Variants in MAD1L1 observed in about 807,000 individuals in gnomAD.
MAD1L1 encodes mitotic spindle assembly checkpoint protein MAD1.
MAD1L1 carries 95 observed loss-of-function variants against 96.9 expected under a neutral mutation model. That is an observed-to-expected ratio of 0.98 (90% confidence interval 0.83 to 1.16). The LOEUF (loss-of-function observed/expected upper bound fraction) is 1.16. Ranked by LOEUF, MAD1L1 falls within the 50% of genes most tolerant of loss-of-function variation. The pLI, the probability that MAD1L1 is intolerant of heterozygous loss-of-function variation, is 0.00. For missense variants in MAD1L1, 1,007 were observed against 954.4 expected, an observed-to-expected ratio of 1.06 and a Z score of -0.73; for synonymous variants, 473 against 396.6, an observed-to-expected ratio of 1.19 and a Z score of -2.29.
At chr7:2,209,111 G>A (rs1792753818) in intron 10 of MAD1L1, among the ~76,000 whole-genome samples, 2 of 152,168 alleles carry the variant, frequency 1.3e-5, no homozygotes. Flanking sequence ...CAGCCTGCGT[G>A]AACCCGTGTG....
intron 17 of MAD1L1, among the ~76,000 whole-genome samples, chr7:1,909,362 C>G (rs1353743572): frequency 6.6e-6 from 1 of 152,228 alleles, no homozygotes; most frequent in East Asian, 1.9e-4. Context: ...CTGAATTATT[C>G]ATGTTTTGCA....
chr7:2,020,781 C>T (rs1182059376), intron 12 of MAD1L1, among the ~76,000 whole-genome samples: 2 of 147,458 alleles, frequency 1.4e-5, no homozygotes, highest in African/African-American at 5.0e-5. Flanking sequence ...TTTTTTAAGA[C>T]AAGGTCTTGC....
At position 1,858,565 on chromosome 7, in the gene MAD1L1, G is replaced by A. The variant is rs889115058; in HGVS notation, c.1998+39635C>T. On this transcript the variant is annotated intron_variant, in intron 18 of 18. Transcript: ENST00000265854. Reference sequence around the variant, plus strand: ...CAGCCCTGAAACTCATTCAGGTCTTGCTGACCCTGTCCCGGCACCAGGACG... The same window carrying A: ...CAGCCCTGAAACTCATTCAGGTCTTACTGACCCTGTCCCGGCACCAGGACG... Among the ~76,000 whole-genome samples the A allele has an allele frequency of 3.3e-5, 5 of 152,332 alleles. No individual in the cohort carries two copies. In the South Asian group the frequency reaches 1.0e-3, roughly 32 times the overall value.
At chr7:1,876,387 C>G (rs186655523) in intron 18 of MAD1L1, among the ~76,000 whole-genome samples, 1 of 152,002 alleles carries the variant, frequency 6.6e-6, no homozygotes, top group Non-Finnish European at 1.5e-5. Context: ...CCCTGCCGGA[C>G]GCTGCCCCTT....
At chr7:1,882,843 C>T (rs1785770692) in intron 18 of MAD1L1, among the ~76,000 whole-genome samples, 1 of 152,240 alleles carries the variant, frequency 6.6e-6, no homozygotes, top group Non-Finnish European at 1.5e-5. Context: ...GGTGAGAAGG[C>T]ACTGGCAGTT....
At chr7:1,980,749 A>G (rs1327444301) in intron 14 of MAD1L1, 1 of 675,758 alleles carries the variant, frequency 1.5e-6, no homozygotes, top group East Asian at 2.9e-5. Flanking sequence ...TTTTTTTGTC[A>G]CTTCCATCTC....
At chr7:2,077,065 G>A (rs534993237) in intron 11 of MAD1L1, among the ~76,000 whole-genome samples, 6 of 147,748 alleles carry the variant, frequency 4.1e-5, no homozygotes, top group Admixed American at 6.7e-5. Flanking sequence ...GCGGCATGGT[G>A]AGCCCAAGAC....
At chr7:1,945,028 C>T (rs79812549) in intron 16 of MAD1L1, among the ~76,000 whole-genome samples, 9 of 152,292 alleles carry the variant, frequency 5.9e-5, no homozygotes, top group East Asian at 1.9e-4. Flanking sequence ...CCTGGGCCGT[C>T]GGCCACTGGG....
chr7:2,075,493 A>G (rs1785333875), intron 11 of MAD1L1, among the ~76,000 whole-genome samples: 1 of 152,106 alleles, frequency 6.6e-6, no homozygotes, highest in Non-Finnish European at 1.5e-5. Flanking sequence ...CTCTAGTTCC[A>G]TGCTTGGACT....
chr7:1,820,814 G>A (rs1462095580), intron 18 of MAD1L1, among the ~76,000 whole-genome samples: 1 of 151,968 alleles, frequency 6.6e-6, no homozygotes, highest in Non-Finnish European at 1.5e-5. Flanking sequence ...ATTAAAAAGG[G>A]GGAACGCCTG....
At chr7:1,954,270 C>T (rs768675516) in intron 16 of MAD1L1, among the ~76,000 whole-genome samples, 41 of 152,166 alleles carry the variant, frequency 2.7e-4, no homozygotes, top group Non-Finnish European at 4.0e-4. Flanking sequence ...AGACAGCCTG[C>T]GGGAAAGGCC....
chr7:2,213,399 T>C (rs1793087232), intron 9 of MAD1L1, 126 bp from the exon 10 acceptor site: 1 of 846,406 alleles, frequency 1.2e-6, no homozygotes. Context: ...ATCTCTGAGC[T>C]GGGCGCTACA....
chr7:1,938,903 GCACACACACA>G (rs367763521), intron 16 of MAD1L1, among the ~76,000 whole-genome samples: 3 of 81,846 alleles, frequency 3.7e-5, no homozygotes, highest in Non-Finnish European at 6.5e-5. Flanking sequence ...CCAGAGGCGC[GCACACACACA>G]CACACACACA....
intron 18 of MAD1L1, among the ~76,000 whole-genome samples, chr7:1,883,380 C>T (rs540052532): frequency 2.0e-5 from 3 of 152,322 alleles, no homozygotes; most frequent in East Asian, 1.9e-4. Context: ...CAAACGGCCC[C>T]GGGGATGAGC....
intron 5 of MAD1L1, chr7:2,220,806 C>A: frequency 7.2e-7 from 1 of 1,387,646 alleles, no homozygotes; most frequent in South Asian, 1.4e-5. Context: ...TGGGAGTCAA[C>A]AAAGAAGAAA....
At chr7:1,820,271 C>T (rs1186125282) in intron 18 of MAD1L1, among the ~76,000 whole-genome samples, 1 of 152,080 alleles carries the variant, frequency 6.6e-6, no homozygotes, top group Non-Finnish European at 1.5e-5. Flanking sequence ...TTGCCAGACG[C>T]ACCCAAGGCA....
chr7:1,993,970 G>A (rs1049417462), intron 14 of MAD1L1, among the ~76,000 whole-genome samples: 8 of 152,298 alleles, frequency 5.3e-5, no homozygotes, highest in Non-Finnish European at 1.2e-4. Context: ...GGAAGCCCCT[G>A]CAACTGCCCT....
intron 12 of MAD1L1, among the ~76,000 whole-genome samples, chr7:2,062,402 C>T (rs946241504): frequency 3.9e-5 from 6 of 152,062 alleles, no homozygotes; most frequent in Non-Finnish European, 7.3e-5. Flanking sequence ...TGGTGAAACC[C>T]TGTCTTTACT....
chr7:1,920,375 G>A lies in MAD1L1; in HGVS notation c.1807+16312C>T, dbSNP rs115392507. On this transcript the variant is annotated intron_variant, in intron 17 of 18. Coordinates refer to ENST00000265854, the MANE Select transcript of MAD1L1 (RefSeq NM_001013836.2). ...CAGCGACAGTGTGTGGGAGGAGCAG[G>A]GGCAGAGAAAGTCGGGGAGACTCGG... Among the ~76,000 whole-genome samples, 1,212 of 152,354 alleles carry A rather than the reference G, an allele frequency of 8.0e-3. 15 individuals carry two copies. Among genetic ancestry groups the A allele is most frequent in the African/African-American group, 0.028 (1,175 of 41,572 alleles).
Sources: allele counts gnomAD v4.1 joint callset (sites outside exome capture counted in the v4.1 genomes callset), GRCh38; gene constraint gnomAD v4.1.1; transcripts MANE v1.5; gene names NCBI Gene and HGNC (gene_info 2026-07-23, HGNC 2026-07-21).